ZNF730: variants seen among roughly 807,000 people sequenced by gnomAD.
The protein encoded by ZNF730 is zinc finger protein 730, also known as putative zinc finger protein 730.
In ZNF730, 12 loss-of-function variants were observed where a neutral mutation model predicts 12.6. The ratio of observed to expected loss-of-function variants is 0.95; its 90% CI spans 0.61 to 1.54. The LOEUF (loss-of-function observed/expected upper bound fraction) is 1.54, where lower values mean the gene tolerates loss of function less well. Ranked by LOEUF, ZNF730 falls within the 40% of genes most tolerant of loss-of-function variation. ZNF730 has a pLI of 0.00. For synonymous variants in ZNF730, 194 were observed against 195.8 expected, an observed-to-expected ratio of 0.99 and a Z score of 0.08; for missense variants, 643 against 583.5, an observed-to-expected ratio of 1.10 and a Z score of -1.05.
intron 1 of ZNF730, chr19:23,094,888 AGTATC>A (rs1568303923): frequency 6.6e-6 from 1 of 152,664 alleles, no homozygotes; most frequent in Non-Finnish European, 1.5e-5. Flanking sequence ...TGTTGCCCCC[AGTATC>A]GTATCAAACT....
chr19:23,088,334 A>G (rs1461667533), intron 1 of ZNF730, among the ~76,000 whole-genome samples: 1 of 151,950 alleles, frequency 6.6e-6, no homozygotes, highest in East Asian at 1.9e-4. Context: ...TTAGTTTTCA[A>G]CGAGAATGTT....
At chr19:23,136,497 C>A (rs1225598988) in intron 3 of ZNF730, among the ~76,000 whole-genome samples, 1 of 152,042 alleles carries the variant, frequency 6.6e-6, no homozygotes, top group East Asian at 1.9e-4. Context: ...CTCTGTCTCT[C>A]GGATTCATGT....
chr19:23,102,657 G>A (rs376525929), intron 1 of ZNF730, among the ~76,000 whole-genome samples: 13 of 151,940 alleles, frequency 8.6e-5, no homozygotes, highest in African/African-American at 2.9e-4. Context: ...CACCAATCCC[G>A]GCTAATTTTT....
At chr19:23,108,336 C>T (rs1472334021) in intron 1 of ZNF730, among the ~76,000 whole-genome samples, 3 of 151,882 alleles carry the variant, frequency 2.0e-5, no homozygotes, top group Non-Finnish European at 2.9e-5. Flanking sequence ...CCCCCTCCCA[C>T]CCCCACGCTG....
intron 1 of ZNF730, among the ~76,000 whole-genome samples, chr19:23,109,560 C>T (rs975951923): frequency 3.9e-5 from 6 of 151,996 alleles, no homozygotes; most frequent in African/African-American, 1.5e-4. Flanking sequence ...AGGCGCCACA[C>T]CCAGCTAATT....
chr19:23,146,357 C>T lies in ZNF730; in HGVS notation c.1313C>T (p.Thr438Ile), dbSNP rs779868203. ...ECGRAFNQSS[T>I]LTTHKRIHTG... Reference sequence around the variant, plus strand: ...GGCAGAGCTTTCAACCAGTCCTCAACCCTTACTACACATAAAAGAATTCAT... The same window carrying T: ...GGCAGAGCTTTCAACCAGTCCTCAATCCTTACTACACATAAAAGAATTCAT... The change falls in exon 4 of 4, where the codon ACC becomes ATC. Residue 438 changes from threonine (T) to isoleucine (I), a missense_variant. Transcript: ENST00000597761. 3.1e-6 allele frequency: 5 copies of T among 1,608,586 alleles called. No individual in the cohort carries two copies. Among genetic ancestry groups the T allele is most frequent in the Non-Finnish European group, 4.2e-6 (5 of 1,177,888 alleles).
At chr19:23,143,952 A>T (rs1970965604) in intron 3 of ZNF730, 1 of 152,098 alleles carries the variant, frequency 6.6e-6, no homozygotes, top group South Asian at 2.1e-4. Context: ...TCATGTTTAC[A>T]TTATTTTTCT....
At chr19:23,145,007 T>C (rs1441139583) in intron 3 of ZNF730, among the ~76,000 whole-genome samples, 1 of 152,154 alleles carries the variant, frequency 6.6e-6, no homozygotes, top group Admixed American at 6.5e-5. Flanking sequence ...GGAAGAGCTG[T>C]GTTGGGTAAA....
chr19:23,087,967 A>G (rs1970093622), intron 1 of ZNF730, among the ~76,000 whole-genome samples: 1 of 151,308 alleles, frequency 6.6e-6, no homozygotes, highest in Non-Finnish European at 1.5e-5. Context: ...AAGTTCCAAT[A>G]TTATGTTGAA....
At chr19:23,106,296 G>A (rs1970392153) in intron 1 of ZNF730, among the ~76,000 whole-genome samples, 1 of 152,120 alleles carries the variant, frequency 6.6e-6, no homozygotes, top group African/African-American at 2.4e-5. Context: ...AAACAGTTCT[G>A]TGTGGTACTC....
chr19:23,110,139 G>A (rs551923585), intron 1 of ZNF730, among the ~76,000 whole-genome samples: 26 of 127,010 alleles, frequency 2.0e-4, no homozygotes, highest in Non-Finnish European at 1.7e-4. Context: ...GCTAATTTTT[G>A]TATTTTTAGT....
rs759466841 is a variant in ZNF730 at position 23,134,100 on chromosome 19, T to A, written c.24T>A (p.Asp8Glu). The A allele has an allele frequency of 2.5e-4, 407 of 1,613,410 alleles. No individual in the cohort carries two copies. The highest frequency in any genetic ancestry group is 2.3e-4 in the Non-Finnish European group (267 of 1,179,718). ...TTCAGGGAGCGTTGACATTTAGAGA[T>A]GTGGCCATAGAATTCTCTCTGGAGG... MGALTFR[D>E]VAIEFSLEEW... Residue 8 changes from aspartate (D) to glutamate (E), a missense_variant, in exon 2 of 4, where the codon GAT becomes GAA. Asp to Glu is a conservative substitution (Grantham distance 45). Transcript: ENST00000597761.
chr19:23,142,603 G>A (rs1970938233), intron 3 of ZNF730, among the ~76,000 whole-genome samples: 1 of 151,144 alleles, frequency 6.6e-6, no homozygotes. Context: ...TGGGAGAATG[G>A]CGTGAACCTG....
At chr19:23,095,567 G>A (rs899965331) in intron 1 of ZNF730, 30 of 397,096 alleles carry the variant, frequency 7.6e-5, no homozygotes, top group Non-Finnish European at 1.2e-4. Context: ...AGGACATTGT[G>A]ACATGTCACT....
At chr19:23,095,812 ATT>A (rs1970240707) in intron 1 of ZNF730, among the ~76,000 whole-genome samples, 1 of 152,098 alleles carries the variant, frequency 6.6e-6, no homozygotes, top group Non-Finnish European at 1.5e-5. Flanking sequence ...CACTGAGGTG[ATT>A]TGACTGTCCT....
intron 1 of ZNF730, among the ~76,000 whole-genome samples, chr19:23,087,918 G>C (rs1279626900): frequency 6.6e-6 from 1 of 151,030 alleles, no homozygotes; most frequent in Non-Finnish European, 1.5e-5. Flanking sequence ...CAGCCTAGAT[G>C]CCCTTTATTT....
chr19:23,081,125 C>G (rs550390162), intron 1 of ZNF730, among the ~76,000 whole-genome samples: 2 of 151,414 alleles, frequency 1.3e-5, no homozygotes. Flanking sequence ...GGATTACAGG[C>G]GTGAGCCACC....
At chr19:23,114,818 A>G (rs765005437), upstream of ZNF730, among the ~76,000 whole-genome samples, 53 of 151,034 alleles carry the variant, frequency 3.5e-4, no homozygotes, top group Non-Finnish European at 5.6e-4. Context: ...GTCTCATTCT[A>G]TCACCCAGGC....
intron 1 of ZNF730, among the ~76,000 whole-genome samples, chr19:23,111,572 C>T (rs1472085049): frequency 6.6e-6 from 1 of 151,978 alleles, no homozygotes; most frequent in East Asian, 1.9e-4. Flanking sequence ...CATAGTGAAA[C>T]CCCGTCTCTA....
Sources: gnomAD v4.1 joint callset for allele counts (sites outside exome capture counted in the v4.1 genomes callset) on GRCh38, gnomAD v4.1.1 for gene constraint, MANE v1.5 for transcripts, NCBI Gene and HGNC (gene_info 2026-07-23, HGNC 2026-07-21) for gene names.